Variants in SMARCA4 observed in about 807,000 individuals in gnomAD.
The protein encoded by SMARCA4 is SWI/SNF related BAF chromatin remodeling complex subunit ATPase 4, also known as SWI/SNF-related matrix-associated actin-dependent regulator of chromatin subfamily A member 4.
Under a neutral mutation model 193.9 loss-of-function variants are expected in SMARCA4, and 31 were observed. The observed-to-expected ratio is 0.16, with a 90% CI of 0.12 to 0.22. The LOEUF is 0.22. Ranked by LOEUF, SMARCA4 falls within the 10% of genes least tolerant of loss-of-function variation. The pLI is 1.00. For synonymous variants in SMARCA4, 942 were observed against 933.1 expected, an observed-to-expected ratio of 1.01 and a Z score of -0.17; for missense variants, 1,148 against 2,296.0, an observed-to-expected ratio of 0.50 and a Z score of 10.22.
intron 33 of SMARCA4, 70 bp downstream of exon 33, chr19:11,059,955 C>T (rs2084518765): frequency 6.2e-7 from 1 of 1,613,058 alleles, no homozygotes; most frequent in African/African-American, 1.3e-5. Flanking sequence ...CCCAGCTTTT[C>T]ACAGCCCTCC....
At chr19:11,016,904 A>T (rs947352271) in intron 16 of SMARCA4, among the ~76,000 whole-genome samples, 22 of 151,958 alleles carry the variant, frequency 1.4e-4, no homozygotes, top group Non-Finnish European at 3.1e-4. Context: ...CCCTCAAATC[A>T]GCCATTTCTC....
At position 11,024,459 on chromosome 19, in the gene SMARCA4, A is replaced by G. The variant is rs367670353; in HGVS notation, c.3081+21A>G. ...AGAAGGTGGGCCCCAGAGTCCCCCA[A>G]CTGCATTCCCCACTGGGTGTCCAAG... is the stretch of plus-strand genomic sequence containing the variant. On this transcript the variant is annotated intron_variant, in intron 21 of 34. Transcript: ENST00000344626. 41 of 1,503,900 alleles carry G rather than the reference A, an allele frequency of 2.7e-5. No individual in the cohort carries two copies. The Middle Eastern group carries it at 7.0e-4, about 26-fold the overall frequency. The allele number at this position is 1,503,900 out of a possible 1,614,324, so 93.2% of individuals were successfully genotyped here. A position where few individuals can be genotyped will look rare whatever the true frequency, so the allele number is the denominator to read the frequency against.
In SMARCA4 at chr19:11,031,081, C is replaced by G; in HGVS notation, c.3546+188C>G. The G allele has an allele frequency of 1.5e-6, 1 of 648,404 alleles. No individual in the cohort carries two copies. Among genetic ancestry groups the G allele is most frequent in the Non-Finnish European group, 2.8e-6 (1 of 359,066 alleles). The allele number at this position is 648,404 out of a possible 1,614,324, so 40.2% of individuals were successfully genotyped here. A position where few individuals can be genotyped will look rare whatever the true frequency, so the allele number is the denominator to read the frequency against. On this transcript the variant is annotated intron_variant, in intron 25 of 34. Coordinates refer to ENST00000344626, the MANE Select transcript of SMARCA4 (RefSeq NM_003072.5). The surrounding 1 kb of genome is among the most constrained non-coding windows in gnomAD (Gnocchi z 4.3). The stretch of plus-strand genomic sequence containing the variant: ...AAAGAGGCGGGGTCCTCCTGTTTCC[C>G]AAAATACAAACAGCCTTTCCCTCTG...
intron 11 of SMARCA4, among the ~76,000 whole-genome samples, chr19:10,999,424 A>G (rs1456506253): frequency 6.6e-6 from 1 of 151,838 alleles, no homozygotes; most frequent in Non-Finnish European, 1.5e-5. Flanking sequence ...TGGGAGGCCA[A>G]TATGGGAGGA....
intron 16 of SMARCA4, among the ~76,000 whole-genome samples, chr19:11,014,428 T>G (rs2089161546): frequency 6.6e-6 from 1 of 152,262 alleles, no homozygotes; most frequent in African/African-American, 2.4e-5. Flanking sequence ...TAGAACAGAC[T>G]GCTCTGAAGG....
At chr19:11,011,037 T>A in intron 15 of SMARCA4, 1 of 230,212 alleles carries the variant, frequency 4.3e-6, no homozygotes, top group African/African-American at 2.2e-5. Flanking sequence ...GCAGGTCCTG[T>A]GTGAGGGTGA....
intron 9 of SMARCA4, chr19:10,995,839 G>T (rs2086983764): frequency 2.7e-6 from 1 of 374,934 alleles, no homozygotes; most frequent in Non-Finnish European, 5.2e-6. Context: ...GGGGTGATGT[G>T]ATCTGATGTA....
chr19:11,027,727 T>G, intron 23 of SMARCA4, 57 bp from the exon 24 acceptor site: 1 of 1,601,490 alleles, frequency 6.2e-7, no homozygotes, highest in Non-Finnish European at 8.6e-7. Flanking sequence ...CTTACCTGCC[T>G]GCAGGGTTCC....
intron 16 of SMARCA4, among the ~76,000 whole-genome samples, chr19:11,015,653 A>C (rs981877190): frequency 1.3e-5 from 2 of 152,114 alleles, no homozygotes; most frequent in African/African-American, 4.8e-5. Context: ...CAATAATTTC[A>C]GCATCTCTTC....
chr19:10,986,113 T>C lies in SMARCA4; in HGVS notation c.356-76T>C. The C allele has an allele frequency of 8.1e-7, 1 of 1,235,036 alleles. No homozygotes were observed. The highest frequency in any genetic ancestry group is 1.2e-6 in the Non-Finnish European group (1 of 838,840). 76.5% of individuals were successfully genotyped at this position (1,235,036 alleles called of 1,614,324 possible). A position where few individuals can be genotyped will look rare whatever the true frequency, so the allele number is the denominator to read the frequency against. ...CTGTGCCCTGTCTCAGAGTAGGAGC[T>C]GGTGTAGGGGGAAGAGGCTGTAAAA... On this transcript the variant is annotated intron_variant, in intron 3 of 34. Transcript: ENST00000344626. This position sits in a 1 kb window ranked among gnomAD's most constrained non-coding sequence, Gnocchi z 6.7.
rs2085992637 is a variant in SMARCA4 at position 10,985,999 on chromosome 19, A to G, written c.356-190A>G. On this transcript the variant is annotated intron_variant, in intron 3 of 34. Coordinates refer to ENST00000344626, the MANE Select transcript of SMARCA4 (RefSeq NM_003072.5). This position sits in a 1 kb window ranked among gnomAD's most constrained non-coding sequence, Gnocchi z 4.5. ...CCTTACTGAGACGTGGGCCAAACCA[A>G]ATCCACCAGGTCGGCTGCTGGGCTG... Among the ~76,000 whole-genome samples, 1 of 152,134 alleles carries G rather than the reference A, an allele frequency of 6.6e-6. No homozygotes were observed. Among genetic ancestry groups the G allele is most frequent in the Non-Finnish European group, 1.5e-5 (1 of 68,014 alleles).
Position 11,030,234 on chromosome 19 carries a change from C to A in SMARCA4, c.3383-496C>A, listed in dbSNP as rs1472431160. ...ACCGTAGAAGATTCTCTTTGTGAAC[C>A]ACAAAACTTTTTGAGACAGGGCTGA... On this transcript the variant is annotated intron_variant, in intron 24 of 34. Coordinates refer to ENST00000344626, the MANE Select transcript of SMARCA4 (RefSeq NM_003072.5). The surrounding 1 kb of genome is among the most constrained non-coding windows in gnomAD (Gnocchi z 5.5). Among the ~76,000 whole-genome samples, 3 of 152,334 alleles carry A rather than the reference C, an allele frequency of 2.0e-5. No homozygotes were observed. The East Asian group carries it at 5.8e-4, about 29-fold the overall frequency.
chr19:11,038,467 G>T (rs542235563), intron 29 of SMARCA4, among the ~76,000 whole-genome samples: 1 of 152,304 alleles, frequency 6.6e-6, no homozygotes, highest in South Asian at 2.1e-4. Context: ...TGCCCTCCAT[G>T]CTGCTTCTTT....
rs955416982 is a variant in SMARCA4, at chr19:10,991,080, C to T, written c.1246-70C>T. The T allele has an allele frequency of 9.4e-6, 15 of 1,598,924 alleles. No individual in the cohort carries two copies. In the East Asian group the frequency reaches 2.7e-4, roughly 29 times the overall value. On this transcript the variant is annotated intron_variant, in intron 7 of 34. Transcript: ENST00000344626. ...TTAGCGGTGAAGCATGTGACATCAC[C>T]ATACGTGTTTGTCATTGTGGATGCC...
chr19:10,978,402 G>A (rs2085305792), intron 1 of SMARCA4, among the ~76,000 whole-genome samples: 2 of 151,982 alleles, frequency 1.3e-5, no homozygotes. Flanking sequence ...ATGTAATCTC[G>A]GCTTCACTGC....
intron 8 of SMARCA4, among the ~76,000 whole-genome samples, chr19:10,993,529 G>A (rs2086736847): frequency 6.6e-6 from 1 of 152,216 alleles, no homozygotes; most frequent in African/African-American, 2.4e-5. Context: ...GTTGGGTGAA[G>A]GGTTGGAAGC....
chr19:10,963,766 G>C (rs1331752504), intron 1 of SMARCA4, among the ~76,000 whole-genome samples: 1 of 132,384 alleles, frequency 7.6e-6, no homozygotes, highest in African/African-American at 2.8e-5. Flanking sequence ...GTGAACACTT[G>C]ATTTTTTTTT....
intron 8 of SMARCA4, 67 bp from the exon 9 acceptor site, chr19:10,994,761 G>A (rs2145933602): frequency 7.0e-7 from 1 of 1,421,566 alleles, no homozygotes; most frequent in Non-Finnish European, 9.9e-7. Context: ...TTTTAAACAA[G>A]CCTTGCGGGG....
intron 11 of SMARCA4, among the ~76,000 whole-genome samples, chr19:10,997,640 T>G (rs1019305250): frequency 2.6e-5 from 4 of 151,970 alleles, no homozygotes; most frequent in Non-Finnish European, 5.9e-5. Context: ...TTTTTAAAAT[T>G]TATTTTCTAT....
Sources: allele counts gnomAD v4.1 joint callset (sites outside exome capture counted in the v4.1 genomes callset), GRCh38; gene constraint gnomAD v4.1.1; non-coding constraint Gnocchi (gnomAD v3.1); transcripts MANE v1.5; gene names NCBI Gene and HGNC (gene_info 2026-07-23, HGNC 2026-07-21).